Variants in SIPA1L2 observed in about 807,000 individuals in gnomAD.
SIPA1L2 encodes the protein signal induced proliferation associated 1 like 2.
In SIPA1L2, 56 loss-of-function variants were observed where a neutral mutation model predicts 163.9. That is an observed-to-expected ratio of 0.34 (90% CI 0.28 to 0.43). The LOEUF is 0.43. Ranked by LOEUF, SIPA1L2 falls within the 20% of genes least tolerant of loss-of-function variation. The pLI, the probability that SIPA1L2 is intolerant of heterozygous loss-of-function variation, is 1.00. For synonymous variants in SIPA1L2, 877 were observed against 865.7 expected (o/e 1.01, Z -0.23); for missense variants, 1,974 against 2,193.5 (o/e 0.90, Z 2.00).
chr1:232,510,233 T>TAC (rs1211140300), intron 3 of SIPA1L2, among the ~76,000 whole-genome samples: 1 of 150,964 alleles, frequency 6.6e-6, no homozygotes, highest in Non-Finnish European at 1.5e-5. Context: ...AATATGAAAA[T>TAC]ATATATATAT....
intron 1 of SIPA1L2, among the ~76,000 whole-genome samples, chr1:232,596,291 T>C (rs1661250834): frequency 3.3e-5 from 5 of 152,090 alleles, no homozygotes; most frequent in Admixed American, 3.3e-4. Context: ...ACACAAAACA[T>C]ACAGAACATC....
At chr1:232,484,875 T>A (rs1298948847) in intron 5 of SIPA1L2, among the ~76,000 whole-genome samples, 1 of 152,174 alleles carries the variant, frequency 6.6e-6, no homozygotes, top group African/African-American at 2.4e-5. Context: ...AAGACATCAA[T>A]CCACAACACT....
At chr1:232,441,890 G>C in intron 12 of SIPA1L2, 22 bp from the exon 13 acceptor site, 1 of 1,597,094 alleles carries the variant, frequency 6.3e-7, no homozygotes, top group Non-Finnish European at 8.6e-7. Context: ...ACAGAGTTGA[G>C]CCTGTCCTTT....
At chr1:232,563,954 TTCG>T (rs1477391423) in intron 2 of SIPA1L2, among the ~76,000 whole-genome samples, 1 of 130,128 alleles carries the variant, frequency 7.7e-6, no homozygotes. Flanking sequence ...GTTTTTTTTT[TTCG>T]TGTGTGTGTG....
intron 2 of SIPA1L2, among the ~76,000 whole-genome samples, chr1:232,571,703 G>C (rs1659738660): frequency 6.6e-6 from 1 of 152,204 alleles, no homozygotes; most frequent in Non-Finnish European, 1.5e-5. Context: ...TTGGGGTTAA[G>C]TGAGTTCTCC....
chr1:232,625,919 G>A (rs1211527955), intron 1 of SIPA1L2, among the ~76,000 whole-genome samples: 1 of 152,192 alleles, frequency 6.6e-6, no homozygotes, highest in East Asian at 1.9e-4. Context: ...GCTACTCAGT[G>A]ATTTCTAAAC....
At chr1:232,422,539 C>T (rs980568339) in intron 18 of SIPA1L2, among the ~76,000 whole-genome samples, 3 of 152,184 alleles carry the variant, frequency 2.0e-5, no homozygotes, top group African/African-American at 7.2e-5. Context: ...GCTACCCTCC[C>T]TCCAAATTAT....
chr1:232,577,377 G>A (rs1240446073), intron 1 of SIPA1L2, among the ~76,000 whole-genome samples: 1 of 152,174 alleles, frequency 6.6e-6, no homozygotes, highest in South Asian at 2.1e-4. Context: ...CTCTGACAGA[G>A]GTGTACAAGG....
rs145692674 is a variant in SIPA1L2, at chr1:232,606,359, A to G, written c.-319+23510T>C. On this transcript the variant is annotated intron_variant, in intron 1 of 22. Coordinates refer to ENST00000674635, the MANE Select transcript of SIPA1L2 (RefSeq NM_020808.5). ...TTTTATTTTTAACATAAATGTCAAA[A>G]AGCATAGTACCAAAGGGCCGGCAAT... Among the ~76,000 whole-genome samples the G allele has an allele frequency of 5.5e-3, 845 of 152,270 alleles. 13 individuals carry two copies. The highest frequency in any genetic ancestry group is 4.7e-3 in the Non-Finnish European group (317 of 68,020).
Position 232,401,974 on chromosome 1 carries a change from AG to A in SIPA1L2, c.5022+417del, listed in dbSNP as rs564455954. Among the ~76,000 whole-genome samples the A allele has an allele frequency of 7.9e-4, 121 of 152,342 alleles. 1 individual carries two copies. The highest frequency in any genetic ancestry group is 2.9e-3 in the African/African-American group (119 of 41,576). Reference sequence around the variant, plus strand: ...CCATGTGCAGGTTGATGTGTACAGCAGAAGTTCTAAGGGCTGTGAAGCTGAT... The same window carrying A: ...CCATGTGCAGGTTGATGTGTACAGCAAAGTTCTAAGGGCTGTGAAGCTGAT... On this transcript the variant is annotated intron_variant, in intron 22 of 22. Coordinates refer to ENST00000674635, the MANE Select transcript of SIPA1L2 (RefSeq NM_020808.5).
chr1:232,400,246 C>T (rs79828574), intron 22 of SIPA1L2, among the ~76,000 whole-genome samples: 3,893 of 152,240 alleles, frequency 0.026, 173 homozygotes, highest in African/African-American at 0.089. Context: ...CTGACTCTCC[C>T]CGGACATTCC....
chr1:232,573,768 G>A (rs1659933808), intron 2 of SIPA1L2, among the ~76,000 whole-genome samples: 2 of 152,096 alleles, frequency 1.3e-5, no homozygotes, highest in African/African-American at 4.8e-5. Flanking sequence ...GTGGGTCCAG[G>A]GCACATCCTA....
At chr1:232,493,137 T>C (rs998114737) in intron 4 of SIPA1L2, among the ~76,000 whole-genome samples, 1 of 152,152 alleles carries the variant, frequency 6.6e-6, no homozygotes, top group Non-Finnish European at 1.5e-5. Flanking sequence ...TTACTCTCTC[T>C]CTGTCCTGGT....
At chr1:232,433,202 C>T (rs184524760) in intron 15 of SIPA1L2, among the ~76,000 whole-genome samples, 9 of 152,148 alleles carry the variant, frequency 5.9e-5, no homozygotes, top group Admixed American at 1.3e-4. Context: ...AATGAATACA[C>T]GGAATACTCT....
At chr1:232,425,052 G>C (rs571526497) in intron 18 of SIPA1L2, among the ~76,000 whole-genome samples, 1 of 152,088 alleles carries the variant, frequency 6.6e-6, no homozygotes, top group African/African-American at 2.4e-5. Context: ...TGAAATAAGC[G>C]GGGACACAAG....
intron 1 of SIPA1L2, among the ~76,000 whole-genome samples, chr1:232,588,582 G>A (rs771466391): frequency 6.6e-6 from 1 of 152,058 alleles, no homozygotes; most frequent in Admixed American, 6.6e-5. Context: ...CATACATCTC[G>A]ACCAAACTTT....
intron 5 of SIPA1L2, among the ~76,000 whole-genome samples, chr1:232,484,497 T>C (rs545733177): frequency 2.6e-5 from 4 of 152,374 alleles, no homozygotes; most frequent in Admixed American, 1.3e-4. Context: ...ATGGAAATTA[T>C]GATATATGTA....
At chr1:232,600,292 C>T (rs1012202162) in intron 1 of SIPA1L2, among the ~76,000 whole-genome samples, 3 of 137,448 alleles carry the variant, frequency 2.2e-5, no homozygotes, top group Admixed American at 7.8e-5. Flanking sequence ...TTAGAAAACA[C>T]ATTCTGAAAA....
intron 4 of SIPA1L2, 133 bp downstream of exon 4, chr1:232,493,394 A>T: frequency 1.6e-6 from 2 of 1,215,600 alleles, no homozygotes; most frequent in Non-Finnish European, 2.3e-6. Context: ...TGCCCTTTTT[A>T]ATTATCTTAA....
Sources: gnomAD v4.1 joint callset for allele counts (sites outside exome capture counted in the v4.1 genomes callset) on GRCh38, gnomAD v4.1.1 for gene constraint, MANE v1.5 for transcripts, NCBI Gene and HGNC (gene_info 2026-07-23, HGNC 2026-07-21) for gene names.